Variants in MIS18A observed in about 807,000 individuals in gnomAD.
MIS18A encodes protein Mis18-alpha.
A neutral mutation model predicts 25.0 loss-of-function variants in MIS18A; 14 were observed. That is an observed-to-expected ratio of 0.56 (90% CI 0.37 to 0.88). The LOEUF (loss-of-function observed/expected upper bound fraction) is 0.88, where lower values mean the gene tolerates loss of function less well. Ranked by LOEUF, MIS18A falls within the 40% of genes least tolerant of loss-of-function variation. MIS18A has a pLI of 0.00. For synonymous variants in MIS18A, 134 were observed against 118.6 expected (o/e 1.13, Z -0.84); for missense variants, 292 against 290.8 (o/e 1.00, Z -0.03).
At chr21:32,235,333 G>T in the MIS18A span, among the ~76,000 whole-genome samples, 1 of 152,184 alleles carries the variant, frequency 6.6e-6, no homozygotes, top group East Asian at 1.9e-4. Flanking sequence ...TGTGATTTAT[G>T]CTCTACAGGC....
chr21:32,160,997 G>A, the MIS18A span, among the ~76,000 whole-genome samples: 1 of 152,188 alleles, frequency 6.6e-6, no homozygotes, highest in African/African-American at 2.4e-5. Context: ...ATTTATCTCA[G>A]TGAGCAGAGG....
chr21:32,257,567 G>A, the MIS18A span, among the ~76,000 whole-genome samples: 2 of 152,156 alleles, frequency 1.3e-5, no homozygotes, highest in Non-Finnish European at 2.9e-5. Context: ...GCTATCAATC[G>A]AGGTTTCCAT....
chr21:32,196,895 G>A, the MIS18A span, among the ~76,000 whole-genome samples: 75 of 152,142 alleles, frequency 4.9e-4, no homozygotes, highest in African/African-American at 1.8e-3. Context: ...GTTTCTCTGG[G>A]GTGCCCTAAC....
chr21:32,160,649 CTT>C, the MIS18A span, among the ~76,000 whole-genome samples: 2,393 of 144,582 alleles, frequency 0.017, 69 homozygotes, highest in African/African-American at 0.055. Flanking sequence ...TGGTTGCATT[CTT>C]TTTTTTTTTT....
the MIS18A span, among the ~76,000 whole-genome samples, chr21:32,220,857 G>A: frequency 3.3e-5 from 5 of 151,638 alleles, no homozygotes; most frequent in Admixed American, 6.6e-5. Flanking sequence ...TAGCTGAATC[G>A]ATCAAGCAGA....
the MIS18A span, among the ~76,000 whole-genome samples, chr21:32,177,471 T>C: frequency 6.6e-6 from 1 of 152,020 alleles, no homozygotes; most frequent in South Asian, 2.1e-4. Flanking sequence ...CAGGAAAAAA[T>C]GCAAGTATTG....
the MIS18A span, among the ~76,000 whole-genome samples, chr21:32,217,491 C>T: frequency 1.3e-5 from 2 of 152,116 alleles, no homozygotes; most frequent in Admixed American, 6.5e-5. Flanking sequence ...AAAAGACCAA[C>T]AAATACATAA....
chr21:32,170,730 TC>T, the MIS18A span, among the ~76,000 whole-genome samples: 1 of 152,010 alleles, frequency 6.6e-6, no homozygotes, highest in East Asian at 1.9e-4. Flanking sequence ...TAGAATAATG[TC>T]AATAAAATAC....
chr21:32,216,087 A>T, the MIS18A span, among the ~76,000 whole-genome samples: 1 of 152,238 alleles, frequency 6.6e-6, no homozygotes, highest in East Asian at 1.9e-4. Flanking sequence ...AAAAAAAGTC[A>T]GAATCAAATT....
chr21:32,209,628 C>G, the MIS18A span, among the ~76,000 whole-genome samples: 9 of 152,174 alleles, frequency 5.9e-5, no homozygotes, highest in Admixed American at 5.9e-4. Flanking sequence ...ACCCAAATCT[C>G]ACCTTGAATT....
chr21:32,156,382 AGTT>A, the MIS18A span: 1 of 152,136 alleles, frequency 6.6e-6, no homozygotes, highest in African/African-American at 2.4e-5. Context: ...AAAATACCTC[AGTT>A]GTTGTTATTG....
chr21:32,270,756 G>C (rs1467255614), intron 2 of MIS18A, among the ~76,000 whole-genome samples: 1 of 152,164 alleles, frequency 6.6e-6, no homozygotes, highest in Non-Finnish European at 1.5e-5. Flanking sequence ...ACAAAAAAGT[G>C]ACAAGAGAGA....
At chr21:32,178,292 A>G in the MIS18A span, among the ~76,000 whole-genome samples, 1 of 152,292 alleles carries the variant, frequency 6.6e-6, no homozygotes, top group Admixed American at 6.5e-5. Flanking sequence ...CAGAGAGACC[A>G]AAAAAAGCCA....
chr21:32,230,442 A>C, the MIS18A span, among the ~76,000 whole-genome samples: 2 of 152,194 alleles, frequency 1.3e-5, no homozygotes, highest in African/African-American at 2.4e-5. Flanking sequence ...CTCCCAGGAC[A>C]AATAAGGGAC....
At chr21:32,270,990 A>G (rs2833751) in intron 2 of MIS18A, among the ~76,000 whole-genome samples, 8,224 of 152,320 alleles carry the variant, frequency 0.054, 339 homozygotes, top group South Asian at 0.11. Flanking sequence ...ATAGTTTACC[A>G]AACTCTGCTC....
the MIS18A span, among the ~76,000 whole-genome samples, chr21:32,218,418 T>C: frequency 6.6e-6 from 1 of 152,152 alleles, no homozygotes; most frequent in Non-Finnish European, 1.5e-5. Context: ...TGTTTTACTC[T>C]TTTTTCTCCA....
the MIS18A span, among the ~76,000 whole-genome samples, chr21:32,235,360 T>C: frequency 1.3e-5 from 2 of 152,156 alleles, no homozygotes; most frequent in Admixed American, 6.5e-5. Context: ...GGGATTAAGC[T>C]GAAATTGGGC....
At chr21:32,258,834 TTTTATTTATTTA>T in the MIS18A span, among the ~76,000 whole-genome samples, 1,933 of 140,886 alleles carry the variant, frequency 0.014, 17 homozygotes, top group Non-Finnish European at 0.02. Context: ...AGGGTCTGCA[TTTTATTTATTTA>T]TTTATTTATT....
At chr21:32,213,788 C>A in the MIS18A span, among the ~76,000 whole-genome samples, 1 of 152,132 alleles carries the variant, frequency 6.6e-6, no homozygotes, top group Non-Finnish European at 1.5e-5. Flanking sequence ...CTCTATGGGA[C>A]AAGAGGCTCC....
Sources: gnomAD v4.1 joint callset for allele counts (sites outside exome capture counted in the v4.1 genomes callset) on GRCh38, gnomAD v4.1.1 for gene constraint, MANE v1.5 for transcripts, NCBI Gene and HGNC (gene_info 2026-07-23, HGNC 2026-07-21) for gene names.